The following HSPBP1 variants were observed in gnomAD, a reference collection of about 807,000 sequenced individuals.
HSPBP1 encodes HSPA (Hsp70) binding protein 1, also known as hsp70-binding protein 1.
Under a neutral mutation model 41.7 loss-of-function variants are expected in HSPBP1, and 31 were observed. That is an observed-to-expected ratio of 0.74 (90% CI 0.56 to 1.00). HSPBP1 has a LOEUF of 1.00. Among genes scored for constraint, HSPBP1 ranks in the 50% least tolerant of loss-of-function variants. The pLI is 0.00. For synonymous variants in HSPBP1, 199 were observed against 214.4 expected (o/e 0.93, Z 0.63); for missense variants, 439 against 487.9 (o/e 0.90, Z 0.94).
At chr19:55,277,498 C>T in intron 3 of HSPBP1, 144 bp downstream of exon 3, 2 of 819,166 alleles carry the variant, frequency 2.4e-6, no homozygotes, top group East Asian at 2.7e-5. Context: ...AGCCTTGCTC[C>T]TTATGGCAAT....
At chr19:55,279,003 T>A (rs2088155688) in intron 2 of HSPBP1, among the ~76,000 whole-genome samples, 2 of 147,806 alleles carry the variant, frequency 1.4e-5, no homozygotes, top group African/African-American at 5.0e-5. Flanking sequence ...TCAGAAGCAC[T>A]GTCTGTATGC....
At chr19:55,267,676 G>A (rs2087824149) in intron 4 of HSPBP1, among the ~76,000 whole-genome samples, 1 of 151,588 alleles carries the variant, frequency 6.6e-6, no homozygotes, top group South Asian at 2.1e-4. Flanking sequence ...GGCCAGGCTG[G>A]TATTGAACTC....
intron 4 of HSPBP1, 54 bp downstream of exon 4, chr19:55,274,344 G>GCCCCCCCCCCCCCCCCCCCCCCCCCCCT: frequency 3.4e-6 from 1 of 293,906 alleles, no homozygotes; most frequent in South Asian, 3.5e-5. Context: ...GGGCCCACCC[G>GCCCCCCCCCCCCCCCCCCCCCCCCCCCT]GCACCCCCCC....
In HSPBP1 at chr19:55,279,593, A is replaced by G; in HGVS notation, c.16T>C (p.Ser6Pro). The G allele has an allele frequency of 6.3e-7, 1 of 1,593,008 alleles. No individual in the cohort carries two copies. The highest frequency in any genetic ancestry group is 8.5e-7 in the Non-Finnish European group (1 of 1,170,168). The change falls in exon 2 of 8, where the codon TCA becomes CCA. Residue 6 changes from serine (S) to proline (P), a missense_variant. Ser to Pro is a moderately conservative substitution (Grantham distance 74). Transcript: ENST00000433386. MSDEG[S>P]RGSRLPLALP... ...GCCAGGGGCAGGCGGCTCCCCCTTGAGCCTTCGTCTGACATGGGCCGTTTG... is the reference window on the plus strand; with the variant it reads ...GCCAGGGGCAGGCGGCTCCCCCTTGGGCCTTCGTCTGACATGGGCCGTTTG...
chr19:55,268,257 C>T lies in HSPBP1; in HGVS notation c.641-1971G>A, dbSNP rs1343376615. On this transcript the variant is annotated intron_variant, in intron 4 of 7. Coordinates refer to ENST00000433386, the MANE Select transcript of HSPBP1 (RefSeq NM_012267.5). The surrounding 1 kb of genome is among the most constrained non-coding windows in gnomAD (Gnocchi z 4.5). ...ACCAGCCTGACCAACATGGTGAAAC[C>T]CCGTCTCTACTAAAAATACAAAATT... Among the ~76,000 whole-genome samples, 2 of 151,970 alleles carry T rather than the reference C, an allele frequency of 1.3e-5. No homozygotes were observed. The highest frequency in any genetic ancestry group is 1.9e-4 in the East Asian group (1 of 5,184).
chr19:55,265,161 CT>C (rs1421129509), intron 7 of HSPBP1, 116 bp downstream of exon 7: 4 of 624,754 alleles, frequency 6.4e-6, no homozygotes, highest in South Asian at 2.1e-5. Context: ...TCCCCTCCCC[CT>C]GGCACCTGAT....
Position 55,274,595 on chromosome 19 carries a change from A to G in HSPBP1, c.443T>C (p.Leu148Pro). ...CGCCTCCAGGTACCGGCCCACCAGCAGGTGCATGCCAGACAGCTGGCAGAA... is the reference window on the plus strand; with the variant it reads ...CGCCTCCAGGTACCGGCCCACCAGCGGGTGCATGCCAGACAGCTGGCAGAA... ...ADFCQLSGMH[L>P]LVGRYLEAGA... Residue 148 changes from leucine to proline, a missense_variant, in exon 4 of 8, where the codon CTG becomes CCG. Coordinates refer to ENST00000433386, the MANE Select transcript of HSPBP1 (RefSeq NM_012267.5). 2 of 1,607,762 alleles carry G rather than the reference A, an allele frequency of 1.2e-6. No individual in the cohort carries two copies. Among genetic ancestry groups the G allele is most frequent in the Middle Eastern group, 3.5e-4 (2 of 5,716 alleles).
chr19:55,264,689 G>A (rs1469885459), intron 7 of HSPBP1, among the ~76,000 whole-genome samples: 1 of 152,072 alleles, frequency 6.6e-6, no homozygotes, highest in Non-Finnish European at 1.5e-5. Context: ...ACTGTATTGG[G>A]TAATTTAGAT....
Position 55,276,289 on chromosome 19 carries a change from C to A in HSPBP1, c.415+1353G>T, listed in dbSNP as rs115394416. ...TGGTTGCCAGGGGACCGGGGGAGGG[C>A]CGGCCTAATGGGTGCTGGGTCTCCT... On this transcript the variant is annotated intron_variant, in intron 3 of 7. Coordinates refer to ENST00000433386, the MANE Select transcript of HSPBP1 (RefSeq NM_012267.5). 6.4e-3 allele frequency among the ~76,000 whole-genome samples: 979 copies of A among 152,052 alleles called. 6 individuals carry two copies. The highest frequency in any genetic ancestry group is 0.022 in the African/African-American group (928 of 41,454).
Position 55,279,641 on chromosome 19 carries a change from G to T in HSPBP1, c.-33C>A. Reference sequence around the variant, plus strand: ...TTGTGAAGAAGGGAAGAATGTGTTAGAGGGAGAAGGTGGTCACCGCTGAAG... The same window carrying T: ...TTGTGAAGAAGGGAAGAATGTGTTATAGGGAGAAGGTGGTCACCGCTGAAG... On this transcript the variant is annotated 5_prime_UTR_variant, in exon 2 of 8. Coordinates refer to ENST00000433386, the MANE Select transcript of HSPBP1 (RefSeq NM_012267.5). The T allele has an allele frequency of 6.4e-7, 1 of 1,555,666 alleles. No homozygotes were observed. The highest frequency in any genetic ancestry group is 1.2e-5 in the South Asian group (1 of 85,186).
intron 4 of HSPBP1, among the ~76,000 whole-genome samples, chr19:55,267,274 C>A (rs1247498804): frequency 6.6e-6 from 1 of 152,148 alleles, no homozygotes; most frequent in African/African-American, 2.4e-5. Context: ...CCTCAGCCCC[C>A]CAAGTAGCTG....
Position 55,268,480 on chromosome 19 carries a change from T to C in HSPBP1, c.641-2194A>G, listed in dbSNP as rs1294059273. 6.6e-6 allele frequency among the ~76,000 whole-genome samples: 1 copy of C among 152,076 alleles called. No homozygotes were observed. Among genetic ancestry groups the C allele is most frequent in the South Asian group, 2.1e-4 (1 of 4,822 alleles). On this transcript the variant is annotated intron_variant, in intron 4 of 7. Coordinates refer to ENST00000433386, the MANE Select transcript of HSPBP1 (RefSeq NM_012267.5). The surrounding 1 kb of genome is among the most constrained non-coding windows in gnomAD (Gnocchi z 4.5). ...AAAAAGAAAAACACACACAACGTTG[T>C]TGCTCTGGCGCACTCCACACTACCC...
intron 4 of HSPBP1, among the ~76,000 whole-genome samples, chr19:55,269,794 A>T (rs2087874240): frequency 6.6e-6 from 1 of 152,202 alleles, no homozygotes; most frequent in South Asian, 2.1e-4. Context: ...GTCATGATAC[A>T]GTTGTCCAAA....
At chr19:55,263,715 T>C (rs956226420) in intron 7 of HSPBP1, among the ~76,000 whole-genome samples, 2 of 152,044 alleles carry the variant, frequency 1.3e-5, no homozygotes, top group African/African-American at 2.4e-5. Flanking sequence ...TTGCATAACA[T>C]AGAGAAAAAG....
intron 2 of HSPBP1, 101 bp from the exon 3 acceptor site, chr19:55,277,947 C>T (rs2088120739): frequency 3.1e-6 from 3 of 983,558 alleles, no homozygotes; most frequent in African/African-American, 1.7e-5. Flanking sequence ...GCTGATGTTC[C>T]TTCAGTCAAC....
chr19:55,274,345 G>GCCCC, intron 4 of HSPBP1, 53 bp downstream of exon 4: 9 of 552,668 alleles, frequency 1.6e-5, no homozygotes, highest in Middle Eastern at 9.7e-4. Context: ...GGCCCACCCG[G>GCCCC]CACCCCCCCC....
Position 55,277,712 on chromosome 19 carries a change from G to A in HSPBP1, c.345C>T (p.Ala115=), listed in dbSNP as rs549975485. ...GGGCCCCCTCTCGCTCTTGCTGGTC[G>A]GCCGCCTGCTCGGCCTCCCCAGCAG... The part of the protein sequence containing the change: ...PPTAGEAEQA[A]DQQEREGALE... The change falls in exon 3 of 8, where the codon GCC becomes GCT. Residue 115 remains alanine, a synonymous_variant. Transcript: ENST00000433386. 1.6e-5 allele frequency: 25 copies of A among 1,605,068 alleles called. No homozygotes were observed. Among genetic ancestry groups the A allele is most frequent in the East Asian group, 1.1e-4 (5 of 44,500 alleles).
At chr19:55,269,780 C>T (rs147097954) in intron 4 of HSPBP1, among the ~76,000 whole-genome samples, 37 of 152,274 alleles carry the variant, frequency 2.4e-4, no homozygotes, top group Non-Finnish European at 4.3e-4. Context: ...CAGTATGGAT[C>T]CATGTCATGA....
rs1033563185 is a variant in HSPBP1 at position 55,270,632 on chromosome 19, C to T, written c.640+3766G>A. ...CACAGTCAGGATGGCCTGTGCCAGC[C>T]GTGCACATCTGAGGAAACGAGATTA... On this transcript the variant is annotated intron_variant, in intron 4 of 7. Coordinates refer to ENST00000433386, the MANE Select transcript of HSPBP1 (RefSeq NM_012267.5). This position sits in a 1 kb window ranked among gnomAD's most constrained non-coding sequence, Gnocchi z 5.4. Among the ~76,000 whole-genome samples, 4 of 152,064 alleles carry T rather than the reference C, an allele frequency of 2.6e-5. No individual in the cohort carries two copies. The highest frequency in any genetic ancestry group is 7.3e-5 in the African/African-American group (3 of 41,350).
Sources: gnomAD v4.1 joint callset for allele counts (sites outside exome capture counted in the v4.1 genomes callset) on GRCh38, gnomAD v4.1.1 for gene constraint, Gnocchi (gnomAD v3.1) non-coding constraint, MANE v1.5 for transcripts, NCBI Gene and HGNC (gene_info 2026-07-23, HGNC 2026-07-21) for gene names.